TMEM178B: variants seen among roughly 807,000 people sequenced by gnomAD.
The protein encoded by TMEM178B is transmembrane protein 178B.
Under a neutral mutation model 31.0 loss-of-function variants are expected in TMEM178B, and 5 were observed. The observed-to-expected ratio is 0.16, with a 90% CI of 0.08 to 0.34. The LOEUF is 0.34. Ranked by LOEUF, TMEM178B falls within the 10% of genes least tolerant of loss-of-function variation. The pLI is 1.00. For synonymous variants in TMEM178B, 164 were observed against 164.0 expected, an observed-to-expected ratio of 1.00 and a Z score of 0.00; for missense variants, 275 against 400.3, an observed-to-expected ratio of 0.69 and a Z score of 2.67.
At chr7:141,139,182 T>G (rs1795726611) in intron 1 of TMEM178B, among the ~76,000 whole-genome samples, 1 of 152,242 alleles carries the variant, frequency 6.6e-6, no homozygotes, top group Admixed American at 6.5e-5. Flanking sequence ...TAAAGTTTGT[T>G]CTTTTCTTTC....
At chr7:141,393,424 G>C (rs1800580729) in intron 2 of TMEM178B, among the ~76,000 whole-genome samples, 1 of 152,204 alleles carries the variant, frequency 6.6e-6, no homozygotes, top group African/African-American at 2.4e-5. Context: ...AAGTGTAGCA[G>C]TTGTTCAAAT....
the TMEM178B span, among the ~76,000 whole-genome samples, chr7:141,511,072 G>A: frequency 6.6e-6 from 1 of 151,920 alleles, no homozygotes; most frequent in African/African-American, 2.4e-5. Flanking sequence ...AGTTCCAACG[G>A]AGAAGTTGCT....
At chr7:141,337,008 CCACCACCAT>C (rs1320025502) in intron 2 of TMEM178B, among the ~76,000 whole-genome samples, 1 of 91,850 alleles carries the variant, frequency 1.1e-5, no homozygotes, top group East Asian at 2.8e-4. Context: ...ATCATCACCA[CCACCACCAT>C]CACCACCATC....
At chr7:141,215,912 CTTTT>C (rs769869162) in intron 2 of TMEM178B, among the ~76,000 whole-genome samples, 2 of 26,796 alleles carry the variant, frequency 7.5e-5, no homozygotes, top group African/African-American at 1.7e-4. Flanking sequence ...TTCTTTCTTT[CTTTT>C]TTTTTTTTTG....
Position 141,461,348 on chromosome 7 carries a change from C to T in TMEM178B, c.635-9188C>T, listed in dbSNP as rs73737666. 5.9e-3 allele frequency among the ~76,000 whole-genome samples: 893 copies of T among 152,298 alleles called. 8 individuals are homozygous for T. The highest frequency in any genetic ancestry group is 0.02 in the African/African-American group (832 of 41,566). ...AGAGAGGAAGCCAGGATTGGGGATCCGCAGACACCGTTCCACATTCCTGGG... is the reference window on the plus strand; with the variant it reads ...AGAGAGGAAGCCAGGATTGGGGATCTGCAGACACCGTTCCACATTCCTGGG... On this transcript the variant is annotated intron_variant, in intron 3 of 3. Transcript: ENST00000565468. The surrounding 1 kb of genome is among the most constrained non-coding windows in gnomAD (Gnocchi z 4.0).
At chr7:141,432,241 A>G (rs1460827060) in intron 2 of TMEM178B, among the ~76,000 whole-genome samples, 3 of 132,206 alleles carry the variant, frequency 2.3e-5, no homozygotes, top group Non-Finnish European at 1.5e-5. Flanking sequence ...TGCAACCTCC[A>G]CCTCCTGGGT....
intron 2 of TMEM178B, among the ~76,000 whole-genome samples, chr7:141,400,749 C>A (rs953335527): frequency 6.6e-6 from 1 of 152,146 alleles, no homozygotes; most frequent in Admixed American, 6.5e-5. Context: ...AGAAAGTAAC[C>A]TTTCATCTGG....
chr7:141,275,662 A>G (rs1422914847), intron 2 of TMEM178B, among the ~76,000 whole-genome samples: 1 of 152,234 alleles, frequency 6.6e-6, no homozygotes, highest in Non-Finnish European at 1.5e-5. Context: ...CATAATGTAA[A>G]TAGCTCAATC....
chr7:141,212,331 C>T (rs924126897), intron 1 of TMEM178B, among the ~76,000 whole-genome samples: 3 of 152,228 alleles, frequency 2.0e-5, no homozygotes, highest in Non-Finnish European at 4.4e-5. Context: ...GAATGTTAGA[C>T]AAGCTGCTAT....
the TMEM178B span, among the ~76,000 whole-genome samples, chr7:141,500,400 T>C: frequency 7.9e-5 from 12 of 152,284 alleles, no homozygotes; most frequent in Admixed American, 7.8e-4. Context: ...GGAAGTGCAC[T>C]TCAAGAATCA....
At chr7:141,464,032 C>T (rs529767046) in intron 3 of TMEM178B, among the ~76,000 whole-genome samples, 4 of 152,220 alleles carry the variant, frequency 2.6e-5, no homozygotes, top group Admixed American at 6.5e-5. Flanking sequence ...TCTGTTACAG[C>T]GGTCTGTGTG....
rs1586944675 is a variant in TMEM178B at position 141,414,080 on chromosome 7, T to TATGGCTGTGTAATAGCTCATAATGTGAG, written c.497-23528_497-23527insATGGCTGTGTAATAGCTCATAATGTGAG. ...TTAATTTCTCCAAAAACATCATTTT[T>TATGGCTGTGTAATAGCTCATAATGTGAG]TTTTTTTTTTTTTTTTTTTTTTGAG... On this transcript the variant is annotated intron_variant, in intron 2 of 3. Transcript: ENST00000565468. Among the ~76,000 whole-genome samples the TATGGCTGTGTAATAGCTCATAATGTGAG allele has an allele frequency of 1.5e-4, 8 of 52,670 alleles. 1 individual carries two copies. Among genetic ancestry groups the TATGGCTGTGTAATAGCTCATAATGTGAG allele is most frequent in the South Asian group, 5.8e-4 (1 of 1,738 alleles). 34.6% of individuals were successfully genotyped at this position (52,670 alleles called of 152,430 possible).
chr7:141,217,439 C>T (rs958119048), intron 2 of TMEM178B, among the ~76,000 whole-genome samples: 11 of 152,162 alleles, frequency 7.2e-5, no homozygotes, highest in South Asian at 2.1e-4. Flanking sequence ...TGAGTGCATC[C>T]GTCCCAGGAA....
Position 141,232,826 on chromosome 7 carries a change from C to G in TMEM178B, c.496+20122C>G, listed in dbSNP as rs767647385. Among the ~76,000 whole-genome samples the G allele has an allele frequency of 8.0e-4, 121 of 152,102 alleles. 4 individuals are homozygous for G. Among genetic ancestry groups the G allele is most frequent in the African/African-American group, 1.2e-4 (5 of 41,396 alleles). On this transcript the variant is annotated intron_variant, in intron 2 of 3. Coordinates refer to ENST00000565468, the MANE Select transcript of TMEM178B (RefSeq NM_001195278.2). ...GTGTCCCATTAGGAGCCCTGAGCCC[C>G]CTGCTACAAAGCCCTTGGGGATCCA...
Position 141,379,509 on chromosome 7 carries a change from G to A in TMEM178B, c.497-58099G>A, listed in dbSNP as rs62486685. On this transcript the variant is annotated intron_variant, in intron 2 of 3. Transcript: ENST00000565468. ...AAAATAATAAAATAAAATGTCTAGAGTGCCCCTCAGCAGGTTCATGAGAAG... is the reference window on the plus strand; with the variant it reads ...AAAATAATAAAATAAAATGTCTAGAATGCCCCTCAGCAGGTTCATGAGAAG... 6.2e-3 allele frequency among the ~76,000 whole-genome samples: 944 copies of A among 152,140 alleles called. 10 individuals are homozygous for A. The highest frequency in any genetic ancestry group is 0.01 in the Non-Finnish European group (681 of 67,966).
chr7:141,421,586 C>G (rs1801210771), intron 2 of TMEM178B, among the ~76,000 whole-genome samples: 1 of 152,160 alleles, frequency 6.6e-6, no homozygotes, highest in Admixed American at 6.5e-5. Context: ...AAGCTGCCTG[C>G]TTGGGGCAAG....
At chr7:141,199,920 G>A (rs573034917) in intron 1 of TMEM178B, among the ~76,000 whole-genome samples, 11 of 151,998 alleles carry the variant, frequency 7.2e-5, no homozygotes, top group South Asian at 2.1e-4. Flanking sequence ...GCGTAGTGGC[G>A]GGTGCCTATA....
chr7:141,125,150 C>T (rs1303939113), intron 1 of TMEM178B, among the ~76,000 whole-genome samples: 1 of 152,206 alleles, frequency 6.6e-6, no homozygotes, highest in Non-Finnish European at 1.5e-5. Flanking sequence ...CCTATCTCAA[C>T]CTCAGTTTTC....
chr7:141,078,124 A>G (rs1412289800), intron 1 of TMEM178B, among the ~76,000 whole-genome samples: 4 of 152,108 alleles, frequency 2.6e-5, no homozygotes, highest in East Asian at 1.9e-4. Flanking sequence ...AATCTCATCC[A>G]TGTCTCCCTA....
Sources: allele counts gnomAD v4.1 joint callset (sites outside exome capture counted in the v4.1 genomes callset), GRCh38; gene constraint gnomAD v4.1.1; non-coding constraint Gnocchi (gnomAD v3.1); transcripts MANE v1.5; gene names NCBI Gene and HGNC (gene_info 2026-07-23, HGNC 2026-07-21).